COPG2: variants seen among roughly 807,000 people sequenced by gnomAD.
COPG2 encodes coatomer subunit gamma-2.
COPG2 carries 37 observed loss-of-function variants against 46.3 expected under a neutral mutation model. The ratio of observed to expected loss-of-function variants is 0.80; its 90% CI spans 0.61 to 1.05. The LOEUF is 1.05. COPG2 is among the 50% of genes least tolerant of loss of function. The pLI is 0.00. For missense variants in COPG2, 427 were observed against 387.8 expected (o/e 1.10, Z -0.85); for synonymous variants, 159 against 129.7 (o/e 1.23, Z -1.53).
At chr7:130,529,425 T>C (rs1301053303) in intron 20 of COPG2, among the ~76,000 whole-genome samples, 4 of 152,170 alleles carry the variant, frequency 2.6e-5, no homozygotes, top group South Asian at 4.2e-4. Flanking sequence ...AGGAAGTTGA[T>C]GGACATAAAA....
chr7:130,559,204 G>A (rs1279649223), intron 12 of COPG2, among the ~76,000 whole-genome samples: 2 of 152,062 alleles, frequency 1.3e-5, no homozygotes, highest in African/African-American at 4.8e-5. Flanking sequence ...GGAAACAAAA[G>A]ACTAAAAATC....
At chr7:130,573,616 C>CCATTGA (rs1793949636) in intron 9 of COPG2, among the ~76,000 whole-genome samples, 1 of 151,774 alleles carries the variant, frequency 6.6e-6, no homozygotes, top group East Asian at 1.9e-4. Context: ...GAATAAAAAT[C>CCATTGA]CATTGACAAA....
At chr7:130,632,276 T>G (rs965691297) in intron 5 of COPG2, among the ~76,000 whole-genome samples, 1 of 152,234 alleles carries the variant, frequency 6.6e-6, no homozygotes, top group Admixed American at 6.5e-5. Flanking sequence ...CACTTTAAAG[T>G]TGGTGTTCCA....
chr7:130,551,916 G>A (rs1196222748), intron 15 of COPG2, among the ~76,000 whole-genome samples: 2 of 152,156 alleles, frequency 1.3e-5, no homozygotes, highest in African/African-American at 4.8e-5. Context: ...TTACCTAACA[G>A]TTTTTTTAAG....
At chr7:130,562,548 G>A (rs939302499) in intron 11 of COPG2, among the ~76,000 whole-genome samples, 1 of 151,914 alleles carries the variant, frequency 6.6e-6, no homozygotes, top group African/African-American at 2.4e-5. Flanking sequence ...TTTATTCTGT[G>A]TTTCTGTATT....
chr7:130,649,173 TTG>T (rs1198219004), intron 5 of COPG2, among the ~76,000 whole-genome samples: 3 of 152,206 alleles, frequency 2.0e-5, no homozygotes, highest in African/African-American at 7.2e-5. Context: ...CTTCAGTGTT[TTG>T]TGTGAGTGAA....
chr7:130,621,095 G>T (rs1391914474), intron 5 of COPG2, among the ~76,000 whole-genome samples: 1 of 152,196 alleles, frequency 6.6e-6, no homozygotes, highest in Non-Finnish European at 1.5e-5. Flanking sequence ...GGAAGCATAT[G>T]TGACAACGAA....
chr7:130,631,959 C>CT (rs1420763540), intron 5 of COPG2, among the ~76,000 whole-genome samples: 8 of 152,216 alleles, frequency 5.3e-5, no homozygotes, highest in Non-Finnish European at 1.2e-4. Context: ...CTGAAATTGC[C>CT]TTTTTATCAC....
At chr7:130,529,752 A>G (rs1266138853) in intron 20 of COPG2, among the ~76,000 whole-genome samples, 3 of 152,230 alleles carry the variant, frequency 2.0e-5, no homozygotes, top group African/African-American at 7.2e-5. Flanking sequence ...TAGGGACTTC[A>G]CAGTGGACTC....
intron 9 of COPG2, among the ~76,000 whole-genome samples, chr7:130,573,174 A>G (rs1793938353): frequency 1.3e-5 from 2 of 151,014 alleles, no homozygotes; most frequent in African/African-American, 2.4e-5. Context: ...CAGAAAATCT[A>G]AATAATTTCT....
intron 5 of COPG2, among the ~76,000 whole-genome samples, chr7:130,648,368 A>G (rs1554458610): frequency 6.6e-6 from 1 of 152,192 alleles, no homozygotes; most frequent in African/African-American, 2.4e-5. Flanking sequence ...AGCAAAATAC[A>G]TTCATTCACC....
At chr7:130,655,646 G>T (rs1795834973) in intron 4 of COPG2, among the ~76,000 whole-genome samples, 1 of 151,550 alleles carries the variant, frequency 6.6e-6, no homozygotes, top group Admixed American at 6.6e-5. Context: ...AGCTTTCCTG[G>T]CTCCCAACCT....
At chr7:130,602,527 T>C (rs923570196) in intron 9 of COPG2, among the ~76,000 whole-genome samples, 2 of 152,044 alleles carry the variant, frequency 1.3e-5, no homozygotes, top group Admixed American at 6.6e-5. Context: ...GGTTGGAGTA[T>C]AGTGGCACAG....
At chr7:130,564,566 AC>A (rs1420852453) in intron 9 of COPG2, 173 bp from the exon 10 acceptor site, 1 of 393,414 alleles carries the variant, frequency 2.5e-6, no homozygotes, top group East Asian at 3.6e-5. Context: ...GTCAAAATCA[AC>A]TTTTGCAGAA....
intron 5 of COPG2, among the ~76,000 whole-genome samples, chr7:130,620,861 T>G (rs1218831397): frequency 1.3e-5 from 2 of 152,218 alleles, no homozygotes; most frequent in East Asian, 3.8e-4. Context: ...TGTAAATCTT[T>G]AGGGACCAGA....
At chr7:130,640,586 C>T (rs950787468) in intron 5 of COPG2, among the ~76,000 whole-genome samples, 7 of 152,212 alleles carry the variant, frequency 4.6e-5, no homozygotes, top group African/African-American at 9.6e-5. Flanking sequence ...AGTTTTGAGA[C>T]GTGGCATCAC....
chr7:130,613,891 C>T (rs1794901731), intron 6 of COPG2, among the ~76,000 whole-genome samples: 1 of 152,076 alleles, frequency 6.6e-6, no homozygotes, highest in Admixed American at 6.5e-5. Flanking sequence ...AATAAACTGT[C>T]TCAAAATGGA....
intron 20 of COPG2, among the ~76,000 whole-genome samples, chr7:130,524,731 G>C (rs1799757896): frequency 6.6e-6 from 1 of 152,124 alleles, no homozygotes; most frequent in East Asian, 1.9e-4. Flanking sequence ...ATGAAAGAGA[G>C]GTGGGAGGAG....
At chr7:130,538,520 G>C (rs1006582445) in intron 20 of COPG2, among the ~76,000 whole-genome samples, 1 of 152,110 alleles carries the variant, frequency 6.6e-6, no homozygotes, top group Non-Finnish European at 1.5e-5. Context: ...GATTACGGTA[G>C]GGAGGCAAAA....
Sources: gnomAD v4.1 joint callset for allele counts (sites outside exome capture counted in the v4.1 genomes callset) on GRCh38, gnomAD v4.1.1 for gene constraint, MANE v1.5 for transcripts, NCBI Gene and HGNC (gene_info 2026-07-23, HGNC 2026-07-21) for gene names.